Variants in RASAL2 observed in about 807,000 individuals in gnomAD.
RASAL2 encodes the protein ras GTPase-activating protein nGAP.
RASAL2 carries 58 observed loss-of-function variants against 128.9 expected under a neutral mutation model. The observed-to-expected ratio is 0.45, with a 90% CI of 0.36 to 0.56. The LOEUF (loss-of-function observed/expected upper bound fraction) is 0.56, where lower values mean the gene tolerates loss of function less well. Among genes scored for constraint, RASAL2 ranks in the 20% least tolerant of loss-of-function variants. RASAL2 has a pLI of 0.00. For synonymous variants in RASAL2, 561 were observed against 580.8 expected (o/e 0.97, Z 0.49); for missense variants, 1,360 against 1,601.6 (o/e 0.85, Z 2.57).
intron 3 of RASAL2, among the ~76,000 whole-genome samples, chr1:178,310,319 C>A (rs573227747): frequency 6.6e-6 from 1 of 152,192 alleles, no homozygotes; most frequent in East Asian, 1.9e-4. Context: ...CAGAACTGAC[C>A]TTACTACCAA....
chr1:178,383,071 T>A (rs1473410848), intron 3 of RASAL2, among the ~76,000 whole-genome samples: 1 of 152,154 alleles, frequency 6.6e-6, no homozygotes, highest in African/African-American at 2.4e-5. Context: ...TTTTCTATTA[T>A]GTTAACAAGA....
At chr1:178,257,713 GTGCT>G (rs1665440866) in intron 1 of RASAL2, among the ~76,000 whole-genome samples, 2 of 151,826 alleles carry the variant, frequency 1.3e-5, no homozygotes, top group Admixed American at 1.3e-4. Flanking sequence ...TTGGTGGCGT[GTGCT>G]TGTAGTCCCA....
At chr1:178,286,094 C>G (rs1229771798) in intron 2 of RASAL2, among the ~76,000 whole-genome samples, 1 of 152,166 alleles carries the variant, frequency 6.6e-6, no homozygotes. Flanking sequence ...TCTGTGTATT[C>G]TCTTTTCTGA....
intron 2 of RASAL2, among the ~76,000 whole-genome samples, chr1:178,291,736 A>G (rs906195257): frequency 6.6e-6 from 1 of 152,170 alleles, no homozygotes; most frequent in African/African-American, 2.4e-5. Flanking sequence ...ACCCACACTT[A>G]AGAATTATAA....
intron 1 of RASAL2, among the ~76,000 whole-genome samples, chr1:178,235,217 A>G (rs1240050385): frequency 2.0e-5 from 3 of 152,218 alleles, no homozygotes; most frequent in Non-Finnish European, 4.4e-5. Flanking sequence ...AGAGTTTAAA[A>G]TCTTACAATC....
Position 178,094,473 on chromosome 1 carries a change from C to T in RASAL2, c.-20C>T, listed in dbSNP as rs758510319. ...CCGCCCCGAAGCCGCCGCCTCGTCC[C>T]CCTCCCGCCTCGGGGCACCATGGAG... On this transcript the variant is annotated 5_prime_UTR_variant, in exon 1 of 18. Transcript: ENST00000367649. 5.2e-6 allele frequency: 8 copies of T among 1,534,154 alleles called. No homozygotes were observed. In the African/African-American group the frequency reaches 6.9e-5, roughly 13 times the overall value.
chr1:178,467,660 A>G (rs1647873743), intron 17 of RASAL2, among the ~76,000 whole-genome samples: 1 of 152,246 alleles, frequency 6.6e-6, no homozygotes, highest in Non-Finnish European at 1.5e-5. Context: ...TTGCTTGACA[A>G]ATCTCAACCT....
At chr1:178,466,299 C>T (rs1647678309) in intron 16 of RASAL2, among the ~76,000 whole-genome samples, 177 bp downstream of exon 16, 1 of 152,170 alleles carries the variant, frequency 6.6e-6, no homozygotes, top group Non-Finnish European at 1.5e-5. Flanking sequence ...TTGGGCACTT[C>T]CTATGAAGAT....
chr1:178,127,386 A>G (rs1053007269), intron 1 of RASAL2, among the ~76,000 whole-genome samples: 17 of 152,208 alleles, frequency 1.1e-4, no homozygotes, highest in African/African-American at 4.1e-4. Flanking sequence ...GCACAAGGAA[A>G]TGGTAATTGC....
chr1:178,134,467 A>G (rs1403797135), intron 1 of RASAL2, among the ~76,000 whole-genome samples: 1 of 151,846 alleles, frequency 6.6e-6, no homozygotes, highest in Non-Finnish European at 1.5e-5. Flanking sequence ...CAAAAAAAAA[A>G]AAAAAAAAAA....
At chr1:178,249,555 C>T (rs1664944056) in intron 1 of RASAL2, among the ~76,000 whole-genome samples, 1 of 152,168 alleles carries the variant, frequency 6.6e-6, no homozygotes, top group South Asian at 2.1e-4. Flanking sequence ...GCTCGTCAAA[C>T]TCATTCTCTG....
chr1:178,311,279 C>CA (rs1203670505), intron 3 of RASAL2, among the ~76,000 whole-genome samples: 1 of 151,698 alleles, frequency 6.6e-6, no homozygotes, highest in Non-Finnish European at 1.5e-5. Flanking sequence ...CACACACACA[C>CA]ACACACACAT....
intron 1 of RASAL2, among the ~76,000 whole-genome samples, chr1:178,168,071 C>T (rs1428676686): frequency 6.6e-6 from 1 of 152,088 alleles, no homozygotes; most frequent in Non-Finnish European, 1.5e-5. Flanking sequence ...ATTCATGGCA[C>T]AAGCAGATGG....
intron 1 of RASAL2, among the ~76,000 whole-genome samples, chr1:178,240,449 T>G (rs7550699): frequency 0.079 from 12,039 of 152,056 alleles, 545 homozygotes; most frequent in Middle Eastern, 0.14. Context: ...AATAGGTCCA[T>G]TTTCTTATTT....
At chr1:178,208,906 C>T (rs570548040) in intron 1 of RASAL2, among the ~76,000 whole-genome samples, 19 of 152,154 alleles carry the variant, frequency 1.2e-4, no homozygotes, top group Non-Finnish European at 2.6e-4. Context: ...AGCCGGCCAA[C>T]ACTTATGGAA....
rs566529938 is a variant in RASAL2, at chr1:178,232,079, G to C, written c.203-51485G>C. 2.0e-5 allele frequency among the ~76,000 whole-genome samples: 3 copies of C among 152,266 alleles called. No homozygotes were observed. The East Asian group carries it at 5.8e-4, about 29-fold the overall frequency. On this transcript the variant is annotated intron_variant, in intron 1 of 17. Coordinates refer to ENST00000367649, the MANE Select transcript of RASAL2 (RefSeq NM_170692.4). Reference sequence around the variant, plus strand: ...AAAACATTCTACAAATAAGTGGATAGTTTTTTTAGTTTGCCAGATGAAATC... The same window carrying C: ...AAAACATTCTACAAATAAGTGGATACTTTTTTTAGTTTGCCAGATGAAATC...
intron 1 of RASAL2, among the ~76,000 whole-genome samples, chr1:178,255,356 A>T (rs946006124): frequency 2.0e-5 from 3 of 152,170 alleles, no homozygotes; most frequent in Non-Finnish European, 4.4e-5. Flanking sequence ...AAGCAATTGC[A>T]TAAAATAATA....
chr1:178,327,708 T>G lies in RASAL2; in HGVS notation c.457+27590T>G, dbSNP rs1045340186. Among the ~76,000 whole-genome samples, 7 of 152,270 alleles carry G rather than the reference T, an allele frequency of 4.6e-5. No homozygotes were observed. The South Asian group carries it at 1.5e-3, about 32-fold the overall frequency. On this transcript the variant is annotated intron_variant, in intron 3 of 17. Coordinates refer to ENST00000367649, the MANE Select transcript of RASAL2 (RefSeq NM_170692.4). ...GGCAGAAAGACAACCTTGTTAGTTC[T>G]TGTACCTAGAAAAACAGTATAGAAA...
intron 3 of RASAL2, among the ~76,000 whole-genome samples, chr1:178,369,285 G>A (rs570915157): frequency 2.6e-5 from 4 of 152,034 alleles, no homozygotes; most frequent in South Asian, 2.1e-4. Flanking sequence ...GCAGTGGCGC[G>A]ATCTCGGCTT....
Sources: allele counts gnomAD v4.1 joint callset (sites outside exome capture counted in the v4.1 genomes callset), GRCh38; gene constraint gnomAD v4.1.1; transcripts MANE v1.5; gene names NCBI Gene and HGNC (gene_info 2026-07-23, HGNC 2026-07-21).